Variants in ERICH1 observed in about 807,000 individuals in gnomAD.
ERICH1 encodes the protein glutamate rich 1, also known as glutamate-rich protein 1.
ERICH1 carries 56 observed loss-of-function variants against 39.6 expected under a neutral mutation model. The ratio of observed to expected loss-of-function variants is 1.41; its 90% CI spans 1.14 to 1.77. The LOEUF (loss-of-function observed/expected upper bound fraction) is 1.77. Ranked by LOEUF, ERICH1 falls within the 40% of genes most tolerant of loss-of-function variation. ERICH1 has a pLI of 0.00. For synonymous variants in ERICH1, 313 were observed against 223.6 expected (o/e 1.40, Z -3.57); for missense variants, 826 against 575.4 (o/e 1.44, Z -4.45).
intron 1 of ERICH1, among the ~76,000 whole-genome samples, chr8:717,224 G>A (rs1345872544): frequency 6.6e-6 from 1 of 152,176 alleles, no homozygotes; most frequent in Non-Finnish European, 1.5e-5. Flanking sequence ...TGATCCCTGA[G>A]ACCCCGGGCT....
intron 3 of ERICH1, among the ~76,000 whole-genome samples, chr8:687,418 T>G (rs1476090162): frequency 6.6e-6 from 1 of 152,222 alleles, no homozygotes; most frequent in Non-Finnish European, 1.5e-5. Flanking sequence ...CCGGCAACGC[T>G]CACGTTTGCA....
At chr8:665,249 G>A (rs1246695743) in intron 5 of ERICH1, among the ~76,000 whole-genome samples, 2 of 151,962 alleles carry the variant, frequency 1.3e-5, no homozygotes, top group African/African-American at 4.8e-5. Flanking sequence ...TCCGACCTCT[G>A]AGCCCACTGG....
chr8:660,324 G>A (rs954791684), downstream of ERICH1, among the ~76,000 whole-genome samples: 5 of 152,232 alleles, frequency 3.3e-5, no homozygotes, highest in African/African-American at 1.2e-4. Context: ...ACCTGGGCAG[G>A]CCTGATGGAG....
chr8:698,846 C>T (rs1469928663), intron 2 of ERICH1, among the ~76,000 whole-genome samples: 1 of 151,514 alleles, frequency 6.6e-6, no homozygotes, highest in East Asian at 1.9e-4. Flanking sequence ...GGTGCACCTC[C>T]GTCCTCCTCA....
chr8:634,183 A>AAAAACAAACAAAAAACAAAC (rs1554481909), intron 3 of ERICH1, among the ~76,000 whole-genome samples: 4 of 135,804 alleles, frequency 2.9e-5, no homozygotes, highest in East Asian at 2.2e-4. Flanking sequence ...AAAAAAAAAA[A>AAAAACAAACAAAAAACAAAC]AAACAAACAA....
At chr8:730,738 T>A (rs1246002301) in intron 1 of ERICH1, among the ~76,000 whole-genome samples, 1 of 152,186 alleles carries the variant, frequency 6.6e-6, no homozygotes, top group African/African-American at 2.4e-5. Context: ...CTGCTGTACT[T>A]TTCGGTGAGG....
intron 3 of ERICH1, among the ~76,000 whole-genome samples, chr8:622,898 C>T (rs1007404474): frequency 8.6e-5 from 13 of 151,962 alleles, no homozygotes; most frequent in Non-Finnish European, 1.5e-4. Flanking sequence ...TTCAAGGCTG[C>T]AGTGAGCCAT....
intron 1 of ERICH1, among the ~76,000 whole-genome samples, chr8:728,995 G>A (rs1336022562): frequency 6.6e-6 from 1 of 152,034 alleles, no homozygotes; most frequent in Non-Finnish European, 1.5e-5. Context: ...CTTGGTCTGT[G>A]CCAGGGCCAG....
At position 673,594 on chromosome 8, in the gene ERICH1, G is replaced by C; in HGVS notation, c.758C>G (p.Ala253Gly). ...TRARQEEGADASEEDPTPAGE... is the reference protein window; with the variant it reads ...TRARQEEGADGSEEDPTPAGE... ...GGCCGGTGTCGGATCTTCCTCACTG[G>C]CGTCCGCACCCTCTTCCTGCCTGGC... The change falls in exon 4 of 6, where the codon GCC becomes GGC. Residue 253 changes from alanine to glycine, a missense_variant. Transcript: ENST00000262109. 1.3e-6 allele frequency: 2 copies of C among 1,548,078 alleles called. No individual in the cohort carries two copies. The highest frequency in any genetic ancestry group is 1.8e-6 in the Non-Finnish European group (2 of 1,127,262).
At chr8:708,761 T>C (rs1814034449) in intron 2 of ERICH1, among the ~76,000 whole-genome samples, 1 of 144,308 alleles carries the variant, frequency 6.9e-6, no homozygotes, top group Non-Finnish European at 1.5e-5. Flanking sequence ...TGGCACAGTC[T>C]TGGCTCACTG....
intron 3 of ERICH1, among the ~76,000 whole-genome samples, chr8:618,212 G>A (rs1346962663): frequency 6.6e-6 from 1 of 150,450 alleles, no homozygotes; most frequent in East Asian, 2.0e-4. Flanking sequence ...CTAGGTACTT[G>A]GTCCATCTCA....
chr8:616,344 G>C (rs957787852), intron 3 of ERICH1: 2 of 345,604 alleles, frequency 5.8e-6, no homozygotes, highest in Non-Finnish European at 1.1e-5. Flanking sequence ...AGTTGCTGAA[G>C]ACAGGCTCCT....
chr8:720,640 G>A (rs891228837), intron 1 of ERICH1, among the ~76,000 whole-genome samples: 1 of 152,176 alleles, frequency 6.6e-6, no homozygotes, highest in African/African-American at 2.4e-5. Context: ...TTACAGCCAC[G>A]GGAAAGACAA....
intron 3 of ERICH1, among the ~76,000 whole-genome samples, chr8:686,111 C>A (rs1203357550): frequency 6.6e-6 from 1 of 151,994 alleles, no homozygotes; most frequent in Non-Finnish European, 1.5e-5. Context: ...AGTGAGATTG[C>A]GCCACTGCAC....
intron 3 of ERICH1, among the ~76,000 whole-genome samples, chr8:682,346 GA>G (rs895896329): frequency 1.3e-5 from 2 of 152,180 alleles, no homozygotes; most frequent in African/African-American, 4.8e-5. Flanking sequence ...AGGTCAAGGG[GA>G]AAACAACAGA....
chr8:659,993 C>A (rs1018266459), downstream of ERICH1, among the ~76,000 whole-genome samples: 1 of 152,238 alleles, frequency 6.6e-6, no homozygotes, highest in African/African-American at 2.4e-5. Flanking sequence ...TGGCCTCAAG[C>A]CCCCCAAGGG....
chr8:618,659 T>C (rs1797088907), intron 3 of ERICH1, among the ~76,000 whole-genome samples: 1 of 152,174 alleles, frequency 6.6e-6, no homozygotes, highest in Non-Finnish European at 1.5e-5. Flanking sequence ...TTCCAGGCTG[T>C]GGTTGAGACT....
At chr8:686,048 T>G (rs1263794930) in intron 3 of ERICH1, among the ~76,000 whole-genome samples, 2 of 150,658 alleles carry the variant, frequency 1.3e-5, no homozygotes, top group Non-Finnish European at 2.9e-5. Context: ...TGGTCCCAGC[T>G]TCTCGGGAGG....
At chr8:683,037 A>G (rs1207237585) in intron 3 of ERICH1, among the ~76,000 whole-genome samples, 1 of 152,194 alleles carries the variant, frequency 6.6e-6, no homozygotes, top group Non-Finnish European at 1.5e-5. Flanking sequence ...TGTTTGCCTA[A>G]AATCCAGGAA....
Sources: gnomAD v4.1 joint callset for allele counts (sites outside exome capture counted in the v4.1 genomes callset) on GRCh38, gnomAD v4.1.1 for gene constraint, MANE v1.5 for transcripts, NCBI Gene and HGNC (gene_info 2026-07-23, HGNC 2026-07-21) for gene names.